Variants in IGFBP2 observed in about 807,000 individuals in gnomAD.
IGFBP2 encodes insulin like growth factor binding protein 2, also known as insulin-like growth factor-binding protein 2.
Under a neutral mutation model 26.2 loss-of-function variants are expected in IGFBP2, and 12 were observed. The observed-to-expected ratio is 0.46, with a 90% confidence interval of 0.29 to 0.74. The LOEUF is 0.74. Among genes scored for constraint, IGFBP2 ranks in the 30% least tolerant of loss-of-function variants. The probability of loss-of-function intolerance (pLI) is 0.09; values close to 1 mark genes in which losing one functional copy is unlikely to be tolerated. For synonymous variants in IGFBP2, 189 were observed against 200.6 expected (o/e 0.94, Z 0.49); for missense variants, 328 against 441.2 (o/e 0.74, Z 2.30).
chr2:216,634,736 A>C (rs1697459121), intron 1 of IGFBP2, among the ~76,000 whole-genome samples: 1 of 151,994 alleles, frequency 6.6e-6, no homozygotes, highest in Admixed American at 6.5e-5. Context: ...ATCGAAAGGC[A>C]GGAGAGATGC....
In IGFBP2 at chr2:216,664,191, C is replaced by G; in HGVS notation, c.*87C>G. ...ACGGAGAGTGCTTGGGTGGTGGGTG[C>G]TGGAGGATTTTCCAGTTCTGACACA... On this transcript the variant is annotated 3_prime_UTR_variant, in exon 4 of 4. Transcript: ENST00000233809. This position sits in a 1 kb window ranked among gnomAD's most constrained non-coding sequence, Gnocchi z 4.6. The G allele has an allele frequency of 8.6e-7, 1 of 1,160,742 alleles. No individual in the cohort carries two copies. The allele number at this position is 1,160,742 out of a possible 1,614,324, so 71.9% of individuals were successfully genotyped here. A position where few individuals can be genotyped will look rare whatever the true frequency, so the allele number is the denominator to read the frequency against.
At chr2:216,659,745 C>A (rs956997842) in intron 1 of IGFBP2, 8 of 1,535,016 alleles carry the variant, frequency 5.2e-6, no homozygotes, top group African/African-American at 1.4e-5. Context: ...TCATGCCCTG[C>A]AGTAAGCTGA....
chr2:216,651,402 T>C (rs1041832664), intron 1 of IGFBP2, among the ~76,000 whole-genome samples: 3 of 152,238 alleles, frequency 2.0e-5, no homozygotes, highest in Admixed American at 2.0e-4. Context: ...TGTGCTGGCG[T>C]GTTTATGAGC....
chr2:216,651,876 C>T (rs1697831942), intron 1 of IGFBP2, among the ~76,000 whole-genome samples: 2 of 152,172 alleles, frequency 1.3e-5, no homozygotes, highest in Admixed American at 6.5e-5. Context: ...ATTCTTGTGC[C>T]TCAGCCTCTC....
chr2:216,639,290 C>T (rs1697566799), intron 1 of IGFBP2, among the ~76,000 whole-genome samples: 1 of 152,112 alleles, frequency 6.6e-6, no homozygotes, highest in Non-Finnish European at 1.5e-5. Flanking sequence ...CCCGCCTTGG[C>T]CTCCCAAAGT....
intron 1 of IGFBP2, among the ~76,000 whole-genome samples, chr2:216,640,436 A>G (rs917139461): frequency 6.6e-6 from 1 of 152,170 alleles, no homozygotes; most frequent in African/African-American, 2.4e-5. Context: ...TGGTTGGCAG[A>G]TATTCTAGAT....
chr2:216,635,431 C>T (rs1475125362), intron 1 of IGFBP2, among the ~76,000 whole-genome samples: 2 of 152,184 alleles, frequency 1.3e-5, no homozygotes, highest in Non-Finnish European at 2.9e-5. Context: ...CGTTCCTCCT[C>T]ATCACCCCTC....
intron 1 of IGFBP2, among the ~76,000 whole-genome samples, chr2:216,641,768 C>T (rs1416905776): frequency 6.7e-6 from 1 of 150,098 alleles, no homozygotes; most frequent in Non-Finnish European, 1.5e-5. Flanking sequence ...CAGCTCACTG[C>T]AAGCTCCACC....
At chr2:216,635,924 G>C (rs149458693) in intron 1 of IGFBP2, among the ~76,000 whole-genome samples, 1 of 152,204 alleles carries the variant, frequency 6.6e-6, no homozygotes, top group African/African-American at 2.4e-5. Flanking sequence ...ACCGGCCTGG[G>C]AAGAGGGGAT....
chr2:216,638,070 C>T (rs1193093783), intron 1 of IGFBP2, among the ~76,000 whole-genome samples: 2 of 152,212 alleles, frequency 1.3e-5, no homozygotes, highest in East Asian at 3.9e-4. Flanking sequence ...TGCCTGTAGT[C>T]CCAGCTGCTT....
chr2:216,657,906 A>T (rs575212060), intron 1 of IGFBP2, among the ~76,000 whole-genome samples: 2 of 150,966 alleles, frequency 1.3e-5, no homozygotes, highest in South Asian at 2.1e-4. Context: ...TAACATTTAA[A>T]TTTTTTTTTT....
At chr2:216,647,411 G>A (rs888203699) in intron 1 of IGFBP2, among the ~76,000 whole-genome samples, 1 of 152,214 alleles carries the variant, frequency 6.6e-6, no homozygotes, top group East Asian at 1.9e-4. Context: ...CAGCTTTTTG[G>A]CAATGGACTC....
intron 1 of IGFBP2, among the ~76,000 whole-genome samples, chr2:216,650,904 G>A (rs1048236571): frequency 6.6e-6 from 1 of 151,462 alleles, no homozygotes; most frequent in Non-Finnish European, 1.5e-5. Flanking sequence ...GAAGGGCTCA[G>A]GGGGTGAGAA....
At chr2:216,660,061 C>T (rs1698004834) in intron 1 of IGFBP2, among the ~76,000 whole-genome samples, 4 of 152,076 alleles carry the variant, frequency 2.6e-5, no homozygotes, top group Admixed American at 1.3e-4. Context: ...CTAATTGGTG[C>T]TCTTCCAGAC....
chr2:216,649,597 AGCTGATAGT>A (rs1468866340), intron 1 of IGFBP2, among the ~76,000 whole-genome samples: 1 of 152,196 alleles, frequency 6.6e-6, no homozygotes, highest in Non-Finnish European at 1.5e-5. Context: ...AAGGAGTGAA[AGCTGATAGT>A]GCTGTTTGCC....
chr2:216,646,668 C>T (rs199547555), intron 1 of IGFBP2, among the ~76,000 whole-genome samples: 9 of 152,188 alleles, frequency 5.9e-5, no homozygotes, highest in Admixed American at 1.3e-4. Flanking sequence ...GGTGAAGGCA[C>T]GTCTCACATG....
At chr2:216,659,295 G>C (rs1450871675) in intron 1 of IGFBP2, among the ~76,000 whole-genome samples, 1 of 152,244 alleles carries the variant, frequency 6.6e-6, no homozygotes, top group Non-Finnish European at 1.5e-5. Context: ...CTCTTGTATA[G>C]AGTTACTCTA....
Position 216,633,859 on chromosome 2 carries a change from T to C in IGFBP2, c.336T>C (p.Tyr112=). The C allele has an allele frequency of 6.4e-7, 1 of 1,566,362 alleles. No homozygotes were observed. Among genetic ancestry groups the C allele is most frequent in the Non-Finnish European group, 8.6e-7 (1 of 1,160,480 alleles). ...TPRCGQGLRC[Y]PHPGSELPLQ... ...GCTGCGGCCAGGGGCTGCGCTGCTA[T>C]CCCCACCCGGGCTCCGAGCTGCCCC... Residue 112 remains tyrosine, a synonymous_variant, in exon 1 of 4, where the codon TAT becomes TAC. Coordinates refer to ENST00000233809, the MANE Select transcript of IGFBP2 (RefSeq NM_000597.3).
rs1697429201 is a variant in IGFBP2 at position 216,633,579 on chromosome 2, C to CGCCGCTGCCGCT, written c.58_59insCGCTGCCGCTGC (p.Pro19_Leu20insProLeuProLeu). The CGCCGCTGCCGCT allele has an allele frequency of 1.6e-5, 16 of 1,016,292 alleles. No individual in the cohort carries two copies. Among genetic ancestry groups the CGCCGCTGCCGCT allele is most frequent in the Non-Finnish European group, 1.9e-5 (16 of 853,454 alleles). 63.0% of individuals were successfully genotyped at this position (1,016,292 alleles called of 1,614,324 possible). On this transcript the variant is annotated inframe_insertion, in exon 1 of 4. Coordinates refer to ENST00000233809, the MANE Select transcript of IGFBP2 (RefSeq NM_000597.3). Reference sequence around the variant, plus strand: ...CCGCTGCCGCCGCCGCCGCTGCTGCCGCTGCTGCTGCTGCTACTGGGCGCG... The same window carrying CGCCGCTGCCGCT: ...CCGCTGCCGCCGCCGCCGCTGCTGCCGCCGCTGCCGCTGCTGCTGCTGCTGCTACTGGGCGCG...
Sources: allele counts gnomAD v4.1 joint callset (sites outside exome capture counted in the v4.1 genomes callset), GRCh38; gene constraint gnomAD v4.1.1; non-coding constraint Gnocchi (gnomAD v3.1); transcripts MANE v1.5; gene names NCBI Gene and HGNC (gene_info 2026-07-23, HGNC 2026-07-21).